Variants in GPBP1 observed in about 807,000 individuals in gnomAD.
GPBP1 encodes vasculin.
In GPBP1, 13 loss-of-function variants were observed where a neutral mutation model predicts 56.5. The observed-to-expected ratio is 0.23, with a 90% CI of 0.15 to 0.37. GPBP1 has a LOEUF of 0.37. Among genes scored for constraint, GPBP1 ranks in the 10% least tolerant of loss-of-function variants. The probability of loss-of-function intolerance (pLI) is 1.00; values close to 1 mark genes in which losing one functional copy is unlikely to be tolerated. For synonymous variants in GPBP1, 204 were observed against 188.9 expected (o/e 1.08, Z -0.66); for missense variants, 477 against 572.3 (o/e 0.83, Z 1.70).
intron 10 of GPBP1, among the ~76,000 whole-genome samples, chr5:57,254,745 AATTT>A (rs1741569212): frequency 6.6e-6 from 1 of 152,128 alleles, no homozygotes; most frequent in Non-Finnish European, 1.5e-5. Context: ...CTCCTAAAAT[AATTT>A]ATTGGGCTGA....
chr5:57,252,013 C>G (rs185016117), intron 10 of GPBP1, among the ~76,000 whole-genome samples: 1 of 152,124 alleles, frequency 6.6e-6, no homozygotes, highest in African/African-American at 2.4e-5. Flanking sequence ...CATTTTCTTA[C>G]TAAGTTGTAA....
chr5:57,196,335 A>C (rs1157984619), intron 2 of GPBP1, among the ~76,000 whole-genome samples: 2 of 150,592 alleles, frequency 1.3e-5, no homozygotes, highest in Non-Finnish European at 3.0e-5. Context: ...ACTGTTCTTT[A>C]CTGATGTGGA....
At chr5:57,196,002 A>T (rs1394080395) in intron 2 of GPBP1, among the ~76,000 whole-genome samples, 41 of 148,784 alleles carry the variant, frequency 2.8e-4, no homozygotes, top group African/African-American at 9.9e-4. Context: ...AAAAAAAAAA[A>T]AAAATTTTTT....
intron 10 of GPBP1, among the ~76,000 whole-genome samples, chr5:57,256,502 T>TC (rs1308842849): frequency 6.6e-6 from 1 of 152,134 alleles, no homozygotes; most frequent in African/African-American, 2.4e-5. Flanking sequence ...CAAGTTTTTT[T>TC]CCCTTAAACC....
At chr5:57,219,392 A>ACAAAAAAACC (rs759725387) in intron 3 of GPBP1, among the ~76,000 whole-genome samples, 4 of 76,522 alleles carry the variant, frequency 5.2e-5, no homozygotes, top group Non-Finnish European at 6.4e-5. Context: ...AAAAAAAAAA[A>ACAAAAAAACC]AAAAAAAAAA....
chr5:57,248,079 A>G (rs914504198), intron 8 of GPBP1, among the ~76,000 whole-genome samples: 3 of 152,120 alleles, frequency 2.0e-5, no homozygotes, highest in Admixed American at 2.0e-4. Flanking sequence ...AGAAAATTGC[A>G]ATTTTCTTAA....
chr5:57,181,514 C>T (rs1754047058), intron 2 of GPBP1, among the ~76,000 whole-genome samples: 1 of 150,608 alleles, frequency 6.6e-6, no homozygotes, highest in African/African-American at 2.4e-5. Flanking sequence ...TGGCTTATGC[C>T]TATTATCCTA....
chr5:57,242,480 A>C (rs1006674627), intron 6 of GPBP1, among the ~76,000 whole-genome samples: 1 of 152,154 alleles, frequency 6.6e-6, no homozygotes, highest in South Asian at 2.1e-4. Context: ...TTCTTCTGTA[A>C]TATTTAAATG....
intron 5 of GPBP1, among the ~76,000 whole-genome samples, chr5:57,231,701 T>C (rs1437814629): frequency 1.3e-5 from 2 of 152,202 alleles, no homozygotes; most frequent in Non-Finnish European, 2.9e-5. Flanking sequence ...AAAAGCTAGA[T>C]AGAATTTGCA....
intron 2 of GPBP1, among the ~76,000 whole-genome samples, chr5:57,176,704 A>G (rs1753801739): frequency 6.6e-6 from 1 of 152,202 alleles, no homozygotes; most frequent in Admixed American, 6.5e-5. Flanking sequence ...TTGAAGATTC[A>G]TTCACAGTGG....
chr5:57,214,012 A>G, intron 2 of GPBP1, 62 bp from the exon 3 acceptor site: 3 of 730,394 alleles, frequency 4.1e-6, no homozygotes, highest in East Asian at 2.5e-5. Flanking sequence ...TCATTGTAAT[A>G]TAAAGGCGCT....
intron 2 of GPBP1, among the ~76,000 whole-genome samples, chr5:57,178,513 T>C (rs938780953): frequency 6.6e-6 from 1 of 152,228 alleles, no homozygotes; most frequent in African/African-American, 2.4e-5. Context: ...CCCAAAGTGC[T>C]GGGATTACAG....
At chr5:57,197,810 A>G (rs901068675) in intron 2 of GPBP1, among the ~76,000 whole-genome samples, 2 of 151,306 alleles carry the variant, frequency 1.3e-5, no homozygotes, top group Non-Finnish European at 2.9e-5. Flanking sequence ...TTTTATTCAT[A>G]GTTTTTTTTT....
At chr5:57,222,079 A>C (rs550689642) in intron 3 of GPBP1, among the ~76,000 whole-genome samples, 1 of 151,724 alleles carries the variant, frequency 6.6e-6, no homozygotes, top group East Asian at 1.9e-4. Flanking sequence ...GGGTCTCACT[A>C]TGTTGCCCAG....
chr5:57,214,541 C>T (rs1256269978), intron 3 of GPBP1, among the ~76,000 whole-genome samples: 2 of 152,110 alleles, frequency 1.3e-5, no homozygotes, highest in African/African-American at 4.8e-5. Flanking sequence ...GCTGAGGTCG[C>T]GCCATTGCAC....
chr5:57,216,322 G>A (rs923316336), intron 3 of GPBP1, among the ~76,000 whole-genome samples: 4 of 152,198 alleles, frequency 2.6e-5, no homozygotes, highest in Non-Finnish European at 5.9e-5. Flanking sequence ...GATTACAGCT[G>A]CCCAGATTGG....
Position 57,192,348 on chromosome 5 carries a change from A to G in GPBP1, c.-58+15948A>G, listed in dbSNP as rs569686738. ...GTAGTCTGTTTGGGGATAGCGCTAG[A>G]TTGCAGTGGTAGCTCAAATTGCTCA... On this transcript the variant is annotated intron_variant, in intron 2 of 11. Coordinates refer to ENST00000506184, the MANE Select transcript of GPBP1 (RefSeq NM_022913.4). Among the ~76,000 whole-genome samples the G allele has an allele frequency of 4.6e-5, 7 of 152,254 alleles. 1 individual carries two copies. Among genetic ancestry groups the G allele is most frequent in the African/African-American group, 1.7e-4 (7 of 41,538 alleles).
chr5:57,199,693 CT>C (rs1227760961), intron 2 of GPBP1, among the ~76,000 whole-genome samples: 1 of 152,142 alleles, frequency 6.6e-6, no homozygotes, highest in Non-Finnish European at 1.5e-5. Flanking sequence ...GTCCCTCCCC[CT>C]GAGATTTATT....
At chr5:57,177,766 G>A (rs780528449) in intron 2 of GPBP1, among the ~76,000 whole-genome samples, 9 of 146,264 alleles carry the variant, frequency 6.2e-5, no homozygotes, top group Non-Finnish European at 1.2e-4. Flanking sequence ...TTCCCAAAGT[G>A]CTGGGATTAT....
Sources: allele counts gnomAD v4.1 joint callset (sites outside exome capture counted in the v4.1 genomes callset), GRCh38; gene constraint gnomAD v4.1.1; transcripts MANE v1.5; gene names NCBI Gene and HGNC (gene_info 2026-07-23, HGNC 2026-07-21).